The following DCK variants were observed in gnomAD, a reference collection of about 807,000 sequenced individuals.
The protein encoded by DCK is deoxyadenosine kinase.
A neutral mutation model predicts 38.3 loss-of-function variants in DCK; 23 were observed. That is an observed-to-expected ratio of 0.60 (90% CI 0.43 to 0.85). The LOEUF (loss-of-function observed/expected upper bound fraction) is 0.85. Among genes scored for constraint, DCK ranks in the 40% least tolerant of loss-of-function variants. The probability of loss-of-function intolerance (pLI) is 0.00; values close to 1 mark genes in which losing one functional copy is unlikely to be tolerated. For synonymous variants in DCK, 108 were observed against 100.6 expected (o/e 1.07, Z -0.44); for missense variants, 259 against 304.4 (o/e 0.85, Z 1.11).
chr4:71,013,610 T>C (rs1740161988), intron 2 of DCK, among the ~76,000 whole-genome samples: 1 of 152,188 alleles, frequency 6.6e-6, no homozygotes. Context: ...ATATTCAACA[T>C]TCTTAAAGAA....
intron 2 of DCK, among the ~76,000 whole-genome samples, chr4:70,998,591 A>G (rs1485073790): frequency 1.3e-5 from 2 of 152,156 alleles, no homozygotes; most frequent in African/African-American, 4.8e-5. Context: ...GGAACCTGGA[A>G]TCAATTCTTG....
intron 2 of DCK, among the ~76,000 whole-genome samples, chr4:71,018,086 A>G (rs1740317340): frequency 6.6e-6 from 1 of 151,434 alleles, no homozygotes; most frequent in Admixed American, 6.6e-5. Flanking sequence ...TAGCCTTGTG[A>G]TAAATACCTT....
intron 6 of DCK, among the ~76,000 whole-genome samples, chr4:71,029,109 G>T (rs180913583): frequency 9.2e-5 from 14 of 152,198 alleles, no homozygotes; most frequent in African/African-American, 3.4e-4. Flanking sequence ...GGCCAGGCTG[G>T]TCTGAAACTC....
At chr4:71,004,035 C>T (rs769207765) in intron 2 of DCK, among the ~76,000 whole-genome samples, 3 of 152,216 alleles carry the variant, frequency 2.0e-5, no homozygotes, top group Non-Finnish European at 4.4e-5. Context: ...GGAGAAAAGA[C>T]ATTCTGGTTT....
At chr4:70,994,120 T>C (rs1376709127) in intron 1 of DCK, 194 bp downstream of exon 1, 1 of 597,260 alleles carries the variant, frequency 1.7e-6, no homozygotes, top group Non-Finnish European at 3.0e-6. Flanking sequence ...GTGACTGCGG[T>C]CCCCGGGGTC....
rs530473921 is a variant in DCK at position 70,998,751 on chromosome 4, C to T, written c.207+569C>T. On this transcript the variant is annotated intron_variant, in intron 2 of 6. Transcript: ENST00000286648. Reference sequence around the variant, plus strand: ...CCAGCCTCGTTAACATGGTGAAATGCCGTCTCTACTAAAAATACAAAACTT... The same window carrying T: ...CCAGCCTCGTTAACATGGTGAAATGTCGTCTCTACTAAAAATACAAAACTT... Among the ~76,000 whole-genome samples the T allele has an allele frequency of 1.7e-3, 263 of 152,084 alleles. 1 individual carries two copies. The highest frequency in any genetic ancestry group is 6.1e-3 in the African/African-American group (251 of 41,486).
rs35755135 is a variant in DCK at position 71,018,126 on chromosome 4, C to CTT, written c.208-4224_208-4223dup. Among the ~76,000 whole-genome samples the CTT allele has an allele frequency of 9.2e-3, 1,163 of 126,770 alleles. 26 individuals are homozygous for CTT. The highest frequency in any genetic ancestry group is 0.013 in the South Asian group (55 of 4,176). The allele number at this position is 126,770 out of a possible 152,430, so 83.2% of individuals were successfully genotyped here. On this transcript the variant is annotated intron_variant, in intron 2 of 6. Coordinates refer to ENST00000286648, the MANE Select transcript of DCK (RefSeq NM_000788.3). ...GTTAAATTTGTATTCTAGATTATTT[C>CTT]TTTTTTTTTTTTTTTTTTGAGACGG...
At chr4:71,023,838 A>G in intron 4 of DCK, 132 bp downstream of exon 4, 1 of 718,286 alleles carries the variant, frequency 1.4e-6, no homozygotes, top group Non-Finnish European at 2.1e-6. Flanking sequence ...TCTAAATTAG[A>G]AACTTGTAAC....
At chr4:71,004,432 G>C (rs1004092428) in intron 2 of DCK, among the ~76,000 whole-genome samples, 1 of 152,208 alleles carries the variant, frequency 6.6e-6, no homozygotes, top group Non-Finnish European at 1.5e-5. Context: ...AGGAGGCATG[G>C]GGGTCATGGA....
chr4:71,018,249 C>G lies in DCK; in HGVS notation c.208-4118C>G, dbSNP rs964145412. On this transcript the variant is annotated intron_variant, in intron 2 of 6. Transcript: ENST00000286648. The stretch of plus-strand genomic sequence containing the variant: ...TCACATCATTCTTGTGCCTCAGCCT[C>G]CCGAGTAGCTGAGACTACAGGCGCC... 4.0e-5 allele frequency among the ~76,000 whole-genome samples: 6 copies of G among 151,050 alleles called. No homozygotes were observed. In the South Asian group the frequency reaches 1.3e-3, roughly 32 times the overall value.
intron 2 of DCK, among the ~76,000 whole-genome samples, chr4:71,010,716 A>T (rs940927173): frequency 6.8e-6 from 1 of 148,090 alleles, no homozygotes; most frequent in Non-Finnish European, 1.5e-5. Context: ...ATATAATATA[A>T]AAATTATATT....
intron 2 of DCK, among the ~76,000 whole-genome samples, chr4:71,020,410 A>G (rs1240903620): frequency 1.3e-5 from 2 of 152,200 alleles, no homozygotes; most frequent in African/African-American, 4.8e-5. Context: ...ATCCGTTGTA[A>G]AATTCCCAAT....
At chr4:71,023,384 G>A (rs150168780) in intron 3 of DCK, among the ~76,000 whole-genome samples, 175 bp from the exon 4 acceptor site, 13 of 152,224 alleles carry the variant, frequency 8.5e-5, no homozygotes, top group African/African-American at 2.4e-4. Flanking sequence ...TCCTCACTCC[G>A]TATTTTGAGA....
rs767126142 is a variant in DCK, at chr4:71,023,676, TGG to T, written c.520_521del (p.Gly174AsnfsTer14). On this transcript the variant is annotated frameshift_variant, in exon 4 of 7. Transcript: ENST00000286648. LOFTEE classifies it high-confidence loss of function. ...AATTTGGCCAAAGCCTTGAATTGGA[TGG>T]AATCATTTATCTTCAAGCCACTCCA... is the stretch of plus-strand genomic sequence containing the variant. ...NQFGQSLELD[G>X]IIYLQATPET... 6.2e-7 allele frequency: 1 copy of T among 1,612,460 alleles called. No individual in the cohort carries two copies. Among genetic ancestry groups the T allele is most frequent in the Non-Finnish European group, 8.5e-7 (1 of 1,179,448 alleles).
rs66737432 is a variant in DCK, at chr4:70,998,284, C to T, written c.207+102C>T. ...CTTTTTCAATAAAACTTTCAAATCTCGCTTTAGGTATATATCTTCATCTAG... is the reference window on the plus strand; with the variant it reads ...CTTTTTCAATAAAACTTTCAAATCTTGCTTTAGGTATATATCTTCATCTAG... On this transcript the variant is annotated intron_variant, in intron 2 of 6. Coordinates refer to ENST00000286648, the MANE Select transcript of DCK (RefSeq NM_000788.3). The T allele has an allele frequency of 1.9e-3, 1,046 of 537,444 alleles. 14 individuals carry two copies. The highest frequency in any genetic ancestry group is 0.018 in the African/African-American group (931 of 50,720). The allele number at this position is 537,444 out of a possible 1,614,324, so 33.3% of individuals were successfully genotyped here. A position where few individuals can be genotyped will look rare whatever the true frequency, so the allele number is the denominator to read the frequency against.
At chr4:71,024,375 A>C (rs1740499495) in intron 4 of DCK, among the ~76,000 whole-genome samples, 1 of 152,156 alleles carries the variant, frequency 6.6e-6, no homozygotes, top group South Asian at 2.1e-4. Context: ...AGGATGACCA[A>C]ATAGATGCCT....
At chr4:71,024,640 G>A (rs999679933) in intron 4 of DCK, among the ~76,000 whole-genome samples, 7 of 151,876 alleles carry the variant, frequency 4.6e-5, no homozygotes, top group African/African-American at 1.7e-4. Flanking sequence ...TAAAGATTTT[G>A]TTCTTCATTA....
At chr4:71,013,216 G>A (rs1297308971) in intron 2 of DCK, among the ~76,000 whole-genome samples, 2 of 152,144 alleles carry the variant, frequency 1.3e-5, no homozygotes, top group Non-Finnish European at 2.9e-5. Flanking sequence ...AGAAAAAAGA[G>A]TAAAAAGAAA....
At chr4:71,013,169 A>C (rs1309360290) in intron 2 of DCK, among the ~76,000 whole-genome samples, 1 of 152,202 alleles carries the variant, frequency 6.6e-6, no homozygotes, top group Non-Finnish European at 1.5e-5. Flanking sequence ...GTGATTGAAG[A>C]TCAAATGAAT....
Sources: allele counts gnomAD v4.1 joint callset (sites outside exome capture counted in the v4.1 genomes callset), GRCh38; gene constraint gnomAD v4.1.1; transcripts MANE v1.5; gene names NCBI Gene and HGNC (gene_info 2026-07-23, HGNC 2026-07-21).